SEMA3A: variants seen among roughly 807,000 people sequenced by gnomAD.
The protein encoded by SEMA3A is semaphorin-3A.
In SEMA3A, 29 loss-of-function variants were observed where a neutral mutation model predicts 97.9. The ratio of observed to expected loss-of-function variants is 0.30; its 90% confidence interval spans 0.22 to 0.40. SEMA3A has a LOEUF of 0.40. SEMA3A is among the 10% of genes least tolerant of loss of function. The pLI, the probability that SEMA3A is intolerant of heterozygous loss-of-function variation, is 1.00. For missense variants in SEMA3A, 763 were observed against 951.3 expected, an observed-to-expected ratio of 0.80 and a Z score of 2.60; for synonymous variants, 321 against 323.7, an observed-to-expected ratio of 0.99 and a Z score of 0.09.
chr7:84,130,402 T>C (rs765981286), intron 2 of SEMA3A, among the ~76,000 whole-genome samples: 1 of 152,110 alleles, frequency 6.6e-6, no homozygotes, highest in African/African-American at 2.4e-5. Flanking sequence ...GCATTTCAGG[T>C]CCATGTCAAA....
rs116408343 is a variant in SEMA3A, at chr7:84,264,470, G to T, written c.-83+42737C>A. ...CTTCTGCGGTTTTTTTCTGGCTGCTGTAACAGCAATAAATTCAGGGATACC... is the reference window on the plus strand; with the variant it reads ...CTTCTGCGGTTTTTTTCTGGCTGCTTTAACAGCAATAAATTCAGGGATACC... On this transcript the variant is annotated intron_variant, in intron 3 of 3. Transcript: ENST00000424555. Among the ~76,000 whole-genome samples the T allele has an allele frequency of 2.9e-3, 437 of 152,226 alleles. 2 individuals are homozygous for T. Among genetic ancestry groups the T allele is most frequent in the African/African-American group, 1.0e-2 (414 of 41,536 alleles).
chr7:83,981,255 A>G, intron 14 of SEMA3A, 66 bp downstream of exon 14: 1 of 1,552,462 alleles, frequency 6.4e-7, no homozygotes, highest in Non-Finnish European at 8.8e-7. Flanking sequence ...GAAGAAAGCT[A>G]TTTCAAACTT....
chr7:84,304,288 A>T (rs1390518498), intron 3 of SEMA3A, among the ~76,000 whole-genome samples: 1 of 152,100 alleles, frequency 6.6e-6, no homozygotes, highest in East Asian at 1.9e-4. Context: ...TGAATAGTAA[A>T]TATCTGATGC....
intron 3 of SEMA3A, among the ~76,000 whole-genome samples, chr7:84,262,735 T>C (rs371826255): frequency 1.8e-4 from 28 of 152,214 alleles, no homozygotes; most frequent in Non-Finnish European, 3.7e-4. Flanking sequence ...AAACTTAAAC[T>C]AGTTTTTATT....
chr7:84,011,822 C>T (rs1156900509), intron 7 of SEMA3A, among the ~76,000 whole-genome samples: 2 of 152,026 alleles, frequency 1.3e-5, no homozygotes, highest in Non-Finnish European at 2.9e-5. Context: ...TTAATTATTA[C>T]ACATTATATT....
At chr7:84,378,966 G>A (rs368566664) in intron 1 of SEMA3A, among the ~76,000 whole-genome samples, 13 of 150,540 alleles carry the variant, frequency 8.6e-5, no homozygotes, top group East Asian at 3.9e-4. Flanking sequence ...TTGCTCTGTC[G>A]CCCAGGCTGG....
chr7:84,424,191 C>T (rs114671565), intron 1 of SEMA3A, among the ~76,000 whole-genome samples: 2,345 of 151,012 alleles, frequency 0.016, 67 homozygotes, highest in African/African-American at 0.053. Context: ...CACCTGCACA[C>T]GAATATTTAT....
At chr7:84,225,190 G>A (rs1798962688) in intron 3 of SEMA3A, among the ~76,000 whole-genome samples, 2 of 152,100 alleles carry the variant, frequency 1.3e-5, no homozygotes, top group South Asian at 2.1e-4. Flanking sequence ...TTTTAGAAAA[G>A]TATTGCACAT....
chr7:84,462,136 A>G (rs1805862079), intron 1 of SEMA3A, among the ~76,000 whole-genome samples: 1 of 152,140 alleles, frequency 6.6e-6, no homozygotes, highest in African/African-American at 2.4e-5. Context: ...TAACATTTAT[A>G]AAGCATTTTC....
In SEMA3A at chr7:84,001,937, A is replaced by AAAT; in HGVS notation, c.1452+15_1452+17dup. On this transcript the variant is annotated intron_variant, in intron 12 of 16. Transcript: ENST00000265362. Reference sequence around the variant, plus strand: ...GTACAACTGAACTTGTTGACACTTGAAATTAAGCAGCACTCACCCGAAAAA... The same window carrying AAAT: ...GTACAACTGAACTTGTTGACACTTGAAATAATTAAGCAGCACTCACCCGAAAAA... 2.5e-6 allele frequency: 4 copies of AAAT among 1,570,936 alleles called. No homozygotes were observed. Among genetic ancestry groups the AAAT allele is most frequent in the Non-Finnish European group, 2.6e-6 (3 of 1,143,130 alleles).
chr7:84,416,662 A>G (rs946998312), intron 1 of SEMA3A, among the ~76,000 whole-genome samples: 1 of 152,162 alleles, frequency 6.6e-6, no homozygotes, highest in African/African-American at 2.4e-5. Flanking sequence ...TCAAACATGA[A>G]TCTTGGGTTT....
chr7:84,017,790 C>T (rs926946849), intron 6 of SEMA3A, among the ~76,000 whole-genome samples: 6 of 152,108 alleles, frequency 3.9e-5, no homozygotes, highest in African/African-American at 1.4e-4. Context: ...TATTCATCCC[C>T]TCACTGATGA....
At chr7:84,369,842 A>C (rs1046693623) in intron 2 of SEMA3A, among the ~76,000 whole-genome samples, 15 of 150,442 alleles carry the variant, frequency 1.0e-4, no homozygotes, top group African/African-American at 3.6e-4. Flanking sequence ...AATGAAAATT[A>C]GTAATATAAA....
At chr7:84,051,089 A>C (rs1020470803) in intron 5 of SEMA3A, among the ~76,000 whole-genome samples, 3 of 151,094 alleles carry the variant, frequency 2.0e-5, no homozygotes, top group Admixed American at 6.6e-5. Flanking sequence ...TGGTACCAGT[A>C]CCATGCTGTT....
Position 84,165,678 on chromosome 7 carries a change from G to A in SEMA3A, c.112+28797C>T, listed in dbSNP as rs569212019. On this transcript the variant is annotated intron_variant, in intron 1 of 16. Coordinates refer to ENST00000265362, the MANE Select transcript of SEMA3A (RefSeq NM_006080.3). ...AGTGAGTCTCCTGACTCAGCCTCCCGAGTAGCTGAGATTACAGGTGTGGGC... is the reference window on the plus strand; with the variant it reads ...AGTGAGTCTCCTGACTCAGCCTCCCAAGTAGCTGAGATTACAGGTGTGGGC... Among the ~76,000 whole-genome samples the A allele has an allele frequency of 2.6e-5, 4 of 152,022 alleles. No homozygotes were observed. In the South Asian group the frequency reaches 6.2e-4, roughly 24 times the overall value.
At chr7:84,394,962 G>GGATCTTAAGTTTCCATTGT (rs1331920463) in intron 1 of SEMA3A, among the ~76,000 whole-genome samples, 1 of 152,062 alleles carries the variant, frequency 6.6e-6, no homozygotes, top group Non-Finnish European at 1.5e-5. Flanking sequence ...CAAGCCCATG[G>GGATCTTAAGTTTCCATTGT]GATCTTAAGT....
In SEMA3A at chr7:84,206,836, GTA is replaced by G. The variant is rs746386282; in HGVS notation, c.-82-12170_-82-12169del. Among the ~76,000 whole-genome samples, 382 of 105,320 alleles carry G rather than the reference GTA, an allele frequency of 3.6e-3. 4 individuals carry two copies. The highest frequency in any genetic ancestry group is 0.013 in the East Asian group (58 of 4,468). 69.1% of individuals were successfully genotyped at this position (105,320 alleles called of 152,430 possible). On this transcript the variant is annotated intron_variant, in intron 3 of 3. Coordinates refer to the SEMA3A transcript ENST00000424555. ...CTGCATAAATAAGTGACAGGATATG[GTA>G]AAAAAAAAAAATGAGTAAGATATTT... is the stretch of plus-strand genomic sequence containing the variant.
chr7:84,267,166 AT>A, intron 3 of SEMA3A, among the ~76,000 whole-genome samples: 1 of 152,276 alleles, frequency 6.6e-6, no homozygotes, highest in Admixed American at 6.5e-5. Context: ...AGCATTTCAT[AT>A]TTTTTGATTT....
intron 1 of SEMA3A, among the ~76,000 whole-genome samples, chr7:84,178,461 G>C (rs569320818): frequency 4.4e-4 from 67 of 151,706 alleles, no homozygotes; most frequent in Admixed American, 2.3e-3. Flanking sequence ...AAAAGAGGTA[G>C]ATCTTTTATT....
Sources: allele counts gnomAD v4.1 joint callset (sites outside exome capture counted in the v4.1 genomes callset), GRCh38; gene constraint gnomAD v4.1.1; transcripts MANE v1.5; gene names NCBI Gene and HGNC (gene_info 2026-07-23, HGNC 2026-07-21).